FBXL5: variants seen among roughly 807,000 people sequenced by gnomAD.
The protein encoded by FBXL5 is F-box and leucine rich repeat protein 5.
In FBXL5, 26 loss-of-function variants were observed where a neutral mutation model predicts 78.3. That is an observed-to-expected ratio of 0.33 (90% confidence interval 0.24 to 0.46). The LOEUF (loss-of-function observed/expected upper bound fraction) is 0.46. FBXL5 is among the 20% of genes least tolerant of loss of function. FBXL5 has a pLI of 1.00. For missense variants in FBXL5, 710 were observed against 829.2 expected (o/e 0.86, Z 1.77); for synonymous variants, 295 against 282.5 (o/e 1.04, Z -0.45).
At chr4:15,646,461 G>GAA (rs756613157) in intron 1 of FBXL5, among the ~76,000 whole-genome samples, 65 of 133,010 alleles carry the variant, frequency 4.9e-4, no homozygotes, top group Middle Eastern at 4.0e-3. Context: ...TCATTTTTTG[G>GAA]AAAAAAAAAA....
intron 3 of FBXL5, 71 bp downstream of exon 3, chr4:15,640,717 A>G (rs1166026253): frequency 3.9e-6 from 3 of 773,440 alleles, no homozygotes; most frequent in Non-Finnish European, 6.2e-6. Context: ...ATTATTTTGA[A>G]GAGTCTCTAA....
chr4:15,673,038 G>A (rs1354918444), intron 1 of FBXL5, among the ~76,000 whole-genome samples: 2 of 152,100 alleles, frequency 1.3e-5, no homozygotes, highest in Non-Finnish European at 2.9e-5. Context: ...CATGCACAAA[G>A]CTGTCATCTA....
At chr4:15,636,007 T>C (rs1228350511) in intron 5 of FBXL5, among the ~76,000 whole-genome samples, 4 of 152,078 alleles carry the variant, frequency 2.6e-5, no homozygotes, top group Non-Finnish European at 5.9e-5. Context: ...TTCACAATTA[T>C]TTTGAGCCAT....
At chr4:15,642,670 T>A (rs1262432503) in intron 2 of FBXL5, among the ~76,000 whole-genome samples, 1 of 152,238 alleles carries the variant, frequency 6.6e-6, no homozygotes, top group Non-Finnish European at 1.5e-5. Flanking sequence ...TTACACATTT[T>A]CCCTAAGCAT....
intron 7 of FBXL5, 86 bp downstream of exon 7, chr4:15,627,799 C>A: frequency 7.3e-7 from 1 of 1,366,580 alleles, no homozygotes. Flanking sequence ...GGTTTGTTTC[C>A]CCTTAATTAA....
At chr4:15,667,519 A>T (rs1163235809) in intron 1 of FBXL5, among the ~76,000 whole-genome samples, 1 of 152,094 alleles carries the variant, frequency 6.6e-6, no homozygotes, top group Non-Finnish European at 1.5e-5. Context: ...AAATAGTATT[A>T]AAAAATAGCT....
At chr4:15,607,651 C>A (rs1461847586) in intron 10 of FBXL5, among the ~76,000 whole-genome samples, 1 of 152,084 alleles carries the variant, frequency 6.6e-6, no homozygotes, top group Non-Finnish European at 1.5e-5. Context: ...TATTCCCCTT[C>A]TTAGCTTGTC....
At chr4:15,671,935 T>C (rs532827547) in intron 1 of FBXL5, among the ~76,000 whole-genome samples, 37 of 152,228 alleles carry the variant, frequency 2.4e-4, no homozygotes, top group Non-Finnish European at 1.5e-4. Context: ...TTTGAACATA[T>C]GGAATACTGT....
chr4:15,673,687 G>A (rs1187070286), intron 1 of FBXL5, among the ~76,000 whole-genome samples: 1 of 152,152 alleles, frequency 6.6e-6, no homozygotes, highest in East Asian at 1.9e-4. Flanking sequence ...TGCATACAGT[G>A]ATCAATACTT....
intron 10 of FBXL5, among the ~76,000 whole-genome samples, chr4:15,607,319 G>A (rs1329066200): frequency 6.6e-6 from 1 of 152,058 alleles, no homozygotes; most frequent in African/African-American, 2.4e-5. Flanking sequence ...TAAATATAAA[G>A]TTGAATTACT....
At chr4:15,642,374 A>G (rs1287312642) in intron 2 of FBXL5, among the ~76,000 whole-genome samples, 1 of 151,936 alleles carries the variant, frequency 6.6e-6, no homozygotes, top group Admixed American at 6.6e-5. Flanking sequence ...CTGGGACTAC[A>G]GGTGCCCATC....
intron 1 of FBXL5, among the ~76,000 whole-genome samples, chr4:15,645,055 A>G (rs945470064): frequency 2.6e-4 from 40 of 152,306 alleles, no homozygotes; most frequent in African/African-American, 9.1e-4. Flanking sequence ...CAGAAATTTT[A>G]AAGAGGGAAA....
intron 1 of FBXL5, among the ~76,000 whole-genome samples, chr4:15,667,452 T>C (rs1230192910): frequency 6.6e-6 from 1 of 152,142 alleles, no homozygotes; most frequent in Non-Finnish European, 1.5e-5. Flanking sequence ...AGCAAAATCA[T>C]ATATTATCTC....
chr4:15,655,517 C>T (rs1409008473), upstream of FBXL5: 1 of 348,632 alleles, frequency 2.9e-6, no homozygotes, highest in Non-Finnish European at 4.0e-6. Context: ...TGCCTCCCGC[C>T]CCCACTCTTT....
chr4:15,644,569 G>T lies in FBXL5; in HGVS notation c.224C>A (p.Thr75Asn). ...ATTGTCAGAATGTACATTATAAATG[G>T]TCTGGCTGCGTTGTTGAAGCAAACC... ...IIGLLQQRSQ[T>N]IYNVHSDNKL... Residue 75 changes from threonine to asparagine, a missense_variant, in exon 2 of 11, where the codon ACC (threonine) becomes AAC (asparagine). Physicochemically the swap from Thr to Asn is moderately conservative, Grantham distance 65 (BLOSUM62 0). Around this residue, in one of 4 missense-constraint regions of FBXL5, gnomAD observed 132 missense variants for 156.9 expected, o/e 0.84. Transcript: ENST00000341285. 1 of 1,614,020 alleles carries T rather than the reference G, an allele frequency of 6.2e-7. No homozygotes were observed.
At chr4:15,656,243 G>T, upstream of FBXL5, 1 of 456,234 alleles carries the variant, frequency 2.2e-6, no homozygotes, top group South Asian at 1.5e-5. Flanking sequence ...GAAAATGTCT[G>T]CCTCTTTCCC....
intron 9 of FBXL5, among the ~76,000 whole-genome samples, chr4:15,614,922 G>C (rs539227673): frequency 6.6e-5 from 10 of 152,148 alleles, no homozygotes; most frequent in African/African-American, 1.9e-4. Context: ...AGGGACAGGC[G>C]CAAGTGGGAA....
In FBXL5 at chr4:15,605,710, C is replaced by A; in HGVS notation, c.*13G>T. The A allele has an allele frequency of 1.9e-6, 3 of 1,611,944 alleles. No homozygotes were observed. Among genetic ancestry groups the A allele is most frequent in the Non-Finnish European group, 2.5e-6 (3 of 1,178,542 alleles). ...TCAGCTAAATGAAGTAGACAAAGAT[C>A]AGAAGTCAAGGGTCATTCGCCAGAG... On this transcript the variant is annotated 3_prime_UTR_variant, in exon 11 of 11. Transcript: ENST00000341285.
chr4:15,608,843 C>T (rs952567933), intron 10 of FBXL5, among the ~76,000 whole-genome samples: 3 of 151,994 alleles, frequency 2.0e-5, no homozygotes, highest in Non-Finnish European at 4.4e-5. Flanking sequence ...AGTGACAGCA[C>T]CCATTAAAGG....
Sources: allele counts gnomAD v4.1 joint callset (sites outside exome capture counted in the v4.1 genomes callset), GRCh38; gene constraint gnomAD v4.1.1; regional missense constraint gnomAD v4.1.1; transcripts MANE v1.5; gene names NCBI Gene and HGNC (gene_info 2026-07-23, HGNC 2026-07-21).